VAV1: variants seen among roughly 807,000 people sequenced by gnomAD.
VAV1 encodes the protein proto-oncogene vav.
In VAV1, 33 loss-of-function variants were observed where a neutral mutation model predicts 128.1. That is an observed-to-expected ratio of 0.26 (90% CI 0.20 to 0.34). The LOEUF (loss-of-function observed/expected upper bound fraction) is 0.34. Ranked by LOEUF, VAV1 falls within the 10% of genes least tolerant of loss-of-function variation. The pLI is 1.00. For synonymous variants in VAV1, 394 were observed against 409.8 expected, an observed-to-expected ratio of 0.96 and a Z score of 0.47; for missense variants, 715 against 1,093.7, an observed-to-expected ratio of 0.65 and a Z score of 4.88.
At chr19:6,792,535 C>T (rs557055613) in intron 1 of VAV1, among the ~76,000 whole-genome samples, 3 of 151,900 alleles carry the variant, frequency 2.0e-5, no homozygotes, top group Non-Finnish European at 4.4e-5. Context: ...GAAGGCAGTA[C>T]AGCATAATGG....
intron 1 of VAV1, among the ~76,000 whole-genome samples, chr19:6,773,452 A>G (rs781609985): frequency 2.0e-5 from 3 of 152,036 alleles, no homozygotes; most frequent in Non-Finnish European, 2.9e-5. Context: ...CTTCCCCCAC[A>G]TGTGTCTCCT....
At chr19:6,824,946 G>A (rs1248162092) in intron 6 of VAV1, 107 bp from the exon 7 acceptor site, 20 of 1,182,364 alleles carry the variant, frequency 1.7e-5, no homozygotes, top group African/African-American at 7.6e-5. Flanking sequence ...GTGTGGACGC[G>A]CTGCCTCTCT....
At chr19:6,773,291 G>A (rs990165909) in intron 1 of VAV1, among the ~76,000 whole-genome samples, 2 of 152,054 alleles carry the variant, frequency 1.3e-5, no homozygotes, top group Non-Finnish European at 2.9e-5. Flanking sequence ...AGCCCCAGGC[G>A]CCTCTACTGT....
intron 21 of VAV1, 65 bp downstream of exon 21, chr19:6,837,115 C>G: frequency 1.3e-6 from 2 of 1,556,370 alleles, no homozygotes; most frequent in South Asian, 2.2e-5. Context: ...GGAGGATGGA[C>G]AGACTTGGAA....
At chr19:6,841,218 T>C (rs1003117279) in intron 21 of VAV1, among the ~76,000 whole-genome samples, 3 of 151,884 alleles carry the variant, frequency 2.0e-5, no homozygotes, top group African/African-American at 7.3e-5. Flanking sequence ...CTGGGCAATT[T>C]TCTTAATTCT....
intron 1 of VAV1, among the ~76,000 whole-genome samples, chr19:6,800,617 T>C (rs1189066554): frequency 6.9e-6 from 1 of 144,218 alleles, no homozygotes; most frequent in South Asian, 2.2e-4. Flanking sequence ...GCTTCTTTTT[T>C]TTGTTTTGTT....
At chr19:6,797,753 A>C (rs1213684950) in intron 1 of VAV1, among the ~76,000 whole-genome samples, 2 of 151,626 alleles carry the variant, frequency 1.3e-5, no homozygotes, top group Non-Finnish European at 2.9e-5. Context: ...TAAAAAAAAA[A>C]AAAAAAAAAG....
Position 6,852,827 on chromosome 19 carries a change from G to A in VAV1, c.2218-138G>A, listed in dbSNP as rs934123272. The A allele has an allele frequency of 7.0e-5, 42 of 596,460 alleles. 1 individual carries two copies. In the Admixed American group the frequency reaches 1.2e-3, roughly 17 times the overall value. 36.9% of individuals were successfully genotyped at this position (596,460 alleles called of 1,614,324 possible). ...GGTGATGAACTCCCCATCATGGGGAGTATTCAAGGGGTCACTTTCCAAAGA... is the reference window on the plus strand; with the variant it reads ...GGTGATGAACTCCCCATCATGGGGAATATTCAAGGGGTCACTTTCCAAAGA... On this transcript the variant is annotated intron_variant, in intron 24 of 26. Transcript: ENST00000602142.
Position 6,857,279 on chromosome 19 carries a change from T to A in VAV1, c.*172T>A. Reference sequence around the variant, plus strand: ...CGGGATGTGCCCTGACATGGTTAATTTATAACACCCCGATTTCCTCTTGGG... The same window carrying A: ...CGGGATGTGCCCTGACATGGTTAATATATAACACCCCGATTTCCTCTTGGG... On this transcript the variant is annotated 3_prime_UTR_variant, in exon 27 of 27. Transcript: ENST00000602142. 2 of 787,712 alleles carry A rather than the reference T, an allele frequency of 2.5e-6. No homozygotes were observed. The highest frequency in any genetic ancestry group is 3.9e-6 in the Non-Finnish European group (2 of 508,240). The allele number at this position is 787,712 out of a possible 1,614,324, so 48.8% of individuals were successfully genotyped here. A position where few individuals can be genotyped will look rare whatever the true frequency, so the allele number is the denominator to read the frequency against.
At chr19:6,793,097 G>A (rs1338315433) in intron 1 of VAV1, among the ~76,000 whole-genome samples, 7 of 152,114 alleles carry the variant, frequency 4.6e-5, no homozygotes, top group Admixed American at 4.6e-4. Context: ...CACTTTGGGA[G>A]GCCGAGGCAG....
At chr19:6,793,125 G>A (rs1050139717) in intron 1 of VAV1, among the ~76,000 whole-genome samples, 4 of 152,098 alleles carry the variant, frequency 2.6e-5, no homozygotes. Context: ...ACAAGGTCAG[G>A]AGATCAAGAC....
chr19:6,806,760 G>T (rs1472102323), intron 1 of VAV1, among the ~76,000 whole-genome samples: 1 of 152,230 alleles, frequency 6.6e-6, no homozygotes, highest in Non-Finnish European at 1.5e-5. Flanking sequence ...GACTGGAACT[G>T]GGGGTGGAGC....
intron 1 of VAV1, among the ~76,000 whole-genome samples, chr19:6,803,020 G>T (rs183098944): frequency 2.0e-5 from 3 of 152,128 alleles, no homozygotes; most frequent in African/African-American, 7.2e-5. Flanking sequence ...AAACTGGGAG[G>T]CAACAAATTG....
chr19:6,800,385 C>A (rs914761987), intron 1 of VAV1, among the ~76,000 whole-genome samples: 1 of 151,688 alleles, frequency 6.6e-6, no homozygotes, highest in African/African-American at 2.4e-5. Flanking sequence ...TCTCGGCTCA[C>A]TGCAACCTCT....
chr19:6,856,958 A>G (rs1263493246), intron 26 of VAV1, 96 bp from the exon 27 acceptor site: 2 of 1,086,326 alleles, frequency 1.8e-6, no homozygotes, highest in African/African-American at 1.5e-5. Context: ...GAGCAGGTGC[A>G]AAGGCCCTGA....
chr19:6,825,239 C>A, intron 7 of VAV1, 64 bp from the exon 8 acceptor site: 1 of 1,582,282 alleles, frequency 6.3e-7, no homozygotes, highest in Non-Finnish European at 8.6e-7. Context: ...GTGGATGACC[C>A]TTTCCTTCCT....
chr19:6,787,103 G>T (rs978634566), intron 1 of VAV1, among the ~76,000 whole-genome samples: 1 of 150,438 alleles, frequency 6.6e-6, no homozygotes, highest in African/African-American at 2.5e-5. Context: ...GGATCCAGGG[G>T]CTCAGGCAAT....
intron 24 of VAV1, 78 bp downstream of exon 24, chr19:6,850,835 C>T: frequency 2.7e-6 from 4 of 1,465,874 alleles, no homozygotes; most frequent in Non-Finnish European, 3.8e-6. Context: ...TTGGGACCCC[C>T]TTTTCCCACA....
rs947849536 is a variant in VAV1, at chr19:6,825,297, G to A, written c.724-6G>A. Reference sequence around the variant, plus strand: ...GGTCCCAGCCCTCACCCTTCCCTCCGAGTAGGACCTGCTTCGTGTTCATAC... The same window carrying A: ...GGTCCCAGCCCTCACCCTTCCCTCCAAGTAGGACCTGCTTCGTGTTCATAC... On this transcript the variant is annotated splice_polypyrimidine_tract_variant and splice_region_variant and intron_variant, in intron 7 of 26. Transcript: ENST00000602142. 6.2e-7 allele frequency: 1 copy of A among 1,610,402 alleles called. No homozygotes were observed. The highest frequency in any genetic ancestry group is 1.3e-5 in the African/African-American group (1 of 74,818).
Sources: gnomAD v4.1 joint callset for allele counts (sites outside exome capture counted in the v4.1 genomes callset) on GRCh38, gnomAD v4.1.1 for gene constraint, MANE v1.5 for transcripts, NCBI Gene and HGNC (gene_info 2026-07-23, HGNC 2026-07-21) for gene names.